Variants in REV3L observed in about 807,000 individuals in gnomAD.
The protein encoded by REV3L is DNA polymerase zeta catalytic subunit.
In REV3L, 69 loss-of-function variants were observed where a neutral mutation model predicts 299.4. The ratio of observed to expected loss-of-function variants is 0.23; its 90% CI spans 0.19 to 0.28. The LOEUF (loss-of-function observed/expected upper bound fraction) is 0.28, where lower values mean the gene tolerates loss of function less well. Ranked by LOEUF, REV3L falls within the 10% of genes least tolerant of loss-of-function variation. The pLI, the probability that REV3L is intolerant of heterozygous loss-of-function variation, is 1.00. For missense variants in REV3L, 3,128 were observed against 3,693.8 expected (o/e 0.85, Z 3.97); for synonymous variants, 1,238 against 1,271.4 (o/e 0.97, Z 0.56).
chr6:111,483,433 G>A (rs1398005423), upstream of REV3L: 11 of 427,286 alleles, frequency 2.6e-5, no homozygotes, highest in South Asian at 1.9e-4. Context: ...CGGGATCGAT[G>A]ACTCGGCTGG....
At chr6:111,483,575 A>T, upstream of REV3L, 1 of 470,324 alleles carries the variant, frequency 2.1e-6, no homozygotes, top group South Asian at 1.6e-5. Context: ...CAGGATTGGC[A>T]GGAGCTGCGA....
intron 16 of REV3L, among the ~76,000 whole-genome samples, chr6:111,363,092 T>G (rs1778863926): frequency 6.6e-6 from 1 of 152,214 alleles, no homozygotes; most frequent in Admixed American, 6.5e-5. Context: ...CTGATGTATA[T>G]TTTTGCAAAG....
chr6:111,403,391 T>G (rs144333429), intron 4 of REV3L, among the ~76,000 whole-genome samples: 50 of 152,346 alleles, frequency 3.3e-4, no homozygotes, highest in African/African-American at 1.2e-3. Context: ...TATTAAAATT[T>G]TTACATATTG....
chr6:111,328,693 C>T (rs1386812286), intron 25 of REV3L, among the ~76,000 whole-genome samples: 1 of 152,088 alleles, frequency 6.6e-6, no homozygotes, highest in African/African-American at 2.4e-5. Flanking sequence ...GATGTTATGT[C>T]ATAGAAATGA....
intron 1 of REV3L, among the ~76,000 whole-genome samples, chr6:111,439,817 T>A (rs1788032666): frequency 6.6e-6 from 1 of 152,050 alleles, no homozygotes. Flanking sequence ...GCTCGGCAAA[T>A]CAATGAGATG....
chr6:111,345,109 T>TA (rs1366383009), intron 20 of REV3L, among the ~76,000 whole-genome samples: 3 of 152,172 alleles, frequency 2.0e-5, no homozygotes, highest in Non-Finnish European at 4.4e-5. Flanking sequence ...GGAAGGATTA[T>TA]AAAATCACTA....
chr6:111,301,560 G>A (rs1582403559), intron 31 of REV3L, among the ~76,000 whole-genome samples: 1 of 151,948 alleles, frequency 6.6e-6, no homozygotes, highest in Non-Finnish European at 1.5e-5. Flanking sequence ...CAGACCAGTG[G>A]TTCTTAACCC....
intron 21 of REV3L, 143 bp downstream of exon 21, chr6:111,343,782 G>A (rs772161629): frequency 1.6e-5 from 8 of 484,996 alleles, no homozygotes; most frequent in East Asian, 3.4e-5. Flanking sequence ...TGCCCGCCTC[G>A]GCCTCCCAAT....
At chr6:111,419,326 C>G (rs531450993) in intron 1 of REV3L, among the ~76,000 whole-genome samples, 3 of 152,196 alleles carry the variant, frequency 2.0e-5, no homozygotes, top group South Asian at 2.1e-4. Context: ...ATAAAAAACT[C>G]AAAAGTTAAA....
At chr6:111,393,094 G>C in intron 4 of REV3L, 122 bp from the exon 5 acceptor site, 2 of 597,056 alleles carry the variant, frequency 3.3e-6, no homozygotes, top group Non-Finnish European at 5.9e-6. Flanking sequence ...CTGGAGTACA[G>C]TGGCGCAATC....
intron 1 of REV3L, among the ~76,000 whole-genome samples, chr6:111,471,309 T>C (rs1317164923): frequency 1.3e-5 from 2 of 152,180 alleles, no homozygotes; most frequent in Non-Finnish European, 2.9e-5. Flanking sequence ...CAGGTCCTGA[T>C]GGACCACTTA....
At chr6:111,331,624 T>A in intron 24 of REV3L, 52 bp downstream of exon 24, 1 of 1,232,886 alleles carries the variant, frequency 8.1e-7, no homozygotes. Flanking sequence ...CATTATCAGC[T>A]CTCCAAAAGT....
chr6:111,314,765 T>C (rs1353866430), intron 27 of REV3L, among the ~76,000 whole-genome samples: 1 of 152,092 alleles, frequency 6.6e-6, no homozygotes, highest in Non-Finnish European at 1.5e-5. Flanking sequence ...TAATAGTTAC[T>C]GGAACAAAGT....
At chr6:111,430,650 G>A (rs17090837) in intron 1 of REV3L, 90,508 of 1,519,860 alleles carry the variant, frequency 0.06, 2,960 homozygotes, top group Middle Eastern at 0.077. Context: ...GCCGAGAAGA[G>A]AGAGGACTCT....
At position 111,367,261 on chromosome 6, in the gene REV3L, G is replaced by A. The variant is rs762417850; in HGVS notation, c.6527C>T (p.Pro2176Leu). 3.7e-6 allele frequency: 6 copies of A among 1,613,760 alleles called. No homozygotes were observed. Among genetic ancestry groups the A allele is most frequent in the African/African-American group, 1.3e-5 (1 of 74,886 alleles). Residue 2176 changes from proline to leucine, a missense_variant, in exon 14 of 32, where the codon CCT becomes CTT. Transcript: ENST00000368802. ...TGGAGATATCACTAGAGGCTCTTGA[G>A]GCTCACTGCAGGGGCTTTTTTGTAT... is the stretch of plus-strand genomic sequence containing the variant. ...DGIQKSPCSE[P>L]QEPLVISPIN... is the part of the protein sequence containing the mutation.
intron 22 of REV3L, among the ~76,000 whole-genome samples, chr6:111,334,725 A>G (rs1057509670): frequency 7.9e-5 from 12 of 152,342 alleles, no homozygotes; most frequent in African/African-American, 2.6e-4. Flanking sequence ...GGGTATAAAT[A>G]AAATAAATAG....
chr6:111,472,537 T>A (rs559588636), intron 1 of REV3L, among the ~76,000 whole-genome samples: 1 of 151,744 alleles, frequency 6.6e-6, no homozygotes, highest in Admixed American at 6.6e-5. Context: ...ATTCTTAGTA[T>A]TTCCCAAAAC....
chr6:111,397,589 CT>C (rs1442005103), intron 4 of REV3L, among the ~76,000 whole-genome samples: 4 of 152,158 alleles, frequency 2.6e-5, no homozygotes, highest in Non-Finnish European at 5.9e-5. Flanking sequence ...TCTGCAACTA[CT>C]GGATAAAATG....
intron 9 of REV3L, among the ~76,000 whole-genome samples, chr6:111,381,685 CT>C (rs1780840995): frequency 6.6e-6 from 1 of 152,066 alleles, no homozygotes; most frequent in South Asian, 2.1e-4. Flanking sequence ...CTCTTTAATC[CT>C]ACTTAATGTG....
Sources: gnomAD v4.1 joint callset for allele counts (sites outside exome capture counted in the v4.1 genomes callset) on GRCh38, gnomAD v4.1.1 for gene constraint, MANE v1.5 for transcripts, NCBI Gene and HGNC (gene_info 2026-07-23, HGNC 2026-07-21) for gene names.